Variants in NRXN3 observed in about 807,000 individuals in gnomAD.
NRXN3 encodes the protein neurexin III.
In NRXN3, 32 loss-of-function variants were observed where a neutral mutation model predicts 137.6. The ratio of observed to expected loss-of-function variants is 0.23; its 90% CI spans 0.18 to 0.31. The LOEUF is 0.31. NRXN3 is among the 10% of genes least tolerant of loss of function. NRXN3 has a pLI of 1.00. For synonymous variants in NRXN3, 798 were observed against 784.5 expected (o/e 1.02, Z -0.29); for missense variants, 1,574 against 2,062.5 (o/e 0.76, Z 4.59).
chr14:78,210,589 C>G (rs1358854939), intron 1 of NRXN3, among the ~76,000 whole-genome samples: 1 of 151,968 alleles, frequency 6.6e-6, no homozygotes, highest in Non-Finnish European at 1.5e-5. Context: ...CAAATGTATA[C>G]ACCTGTGTAA....
chr14:78,403,734 T>C, intron 4 of NRXN3: 4 of 985,422 alleles, frequency 4.1e-6, no homozygotes, highest in Non-Finnish European at 4.8e-6. Context: ...GATTATCAAT[T>C]GCTCCGGGAG....
chr14:79,250,608 G>A lies in NRXN3; in HGVS notation c.3263-216613G>A, dbSNP rs115460996. Among the ~76,000 whole-genome samples, 1,035 of 152,260 alleles carry A rather than the reference G, an allele frequency of 6.8e-3. 8 individuals are homozygous for A. The highest frequency in any genetic ancestry group is 0.023 in the African/African-American group (972 of 41,546). On this transcript the variant is annotated intron_variant, in intron 15 of 20. Coordinates refer to ENST00000335750, the MANE Select transcript of NRXN3 (RefSeq NM_001330195.2). ...TGGTAAAAACCAGGAAATAATCCCA[G>A]ATTCATCTCTCAGAAGCCCATTCCC... is the stretch of plus-strand genomic sequence containing the variant.
chr14:78,637,455 C>G (rs2097576879), intron 4 of NRXN3, among the ~76,000 whole-genome samples: 1 of 152,198 alleles, frequency 6.6e-6, no homozygotes, highest in Non-Finnish European at 1.5e-5. Flanking sequence ...TTTGCTTGTG[C>G]ATACCTTCTC....
At chr14:78,402,435 G>C (rs560706394) in intron 4 of NRXN3, among the ~76,000 whole-genome samples, 1 of 152,286 alleles carries the variant, frequency 6.6e-6, no homozygotes, top group Admixed American at 6.5e-5. Flanking sequence ...GTGAGTAGGT[G>C]CTGCCCAAGT....
Position 78,709,340 on chromosome 14 carries a change from A to G in NRXN3, c.1345A>G (p.Ile449Val), listed in dbSNP as rs376703294. 1.9e-6 allele frequency: 3 copies of G among 1,614,086 alleles called. No individual in the cohort carries two copies. The highest frequency in any genetic ancestry group is 2.5e-6 in the Non-Finnish European group (3 of 1,179,994). The part of the protein sequence containing the change: ...KCENVATLDP[I>V]NFETPEAYIS... ...TGAGAATGTGGCCACACTGGACCCC[A>G]TCAACTTTGAGACCCCAGAGGCTTA... The change falls in exon 7 of 21, where the codon ATC (isoleucine) becomes GTC (valine). Residue 449 changes from isoleucine (I) to valine (V), a missense_variant. By Grantham distance (29) the Ile-to-Val change is conservative. Coordinates refer to ENST00000335750, the MANE Select transcript of NRXN3 (RefSeq NM_001330195.2).
chr14:79,799,957 A>G (rs1454517531), intron 19 of NRXN3, among the ~76,000 whole-genome samples: 3 of 152,218 alleles, frequency 2.0e-5, no homozygotes, highest in East Asian at 3.9e-4. Context: ...AAGATTCATT[A>G]AAGTAATGAA....
At chr14:78,731,670 T>C (rs2098516372) in intron 8 of NRXN3, among the ~76,000 whole-genome samples, 1 of 151,558 alleles carries the variant, frequency 6.6e-6, no homozygotes, top group South Asian at 2.1e-4. Flanking sequence ...GAATATATAC[T>C]ATTTGTGAAT....
At chr14:78,345,603 CCTCT>C (rs1277262616) in intron 4 of NRXN3, among the ~76,000 whole-genome samples, 1 of 152,036 alleles carries the variant, frequency 6.6e-6, no homozygotes, top group Admixed American at 6.5e-5. Context: ...GGAGAGATTT[CCTCT>C]CTCTCCTCCC....
At chr14:79,511,287 C>T (rs1012490619) in intron 16 of NRXN3, among the ~76,000 whole-genome samples, 1 of 152,182 alleles carries the variant, frequency 6.6e-6, no homozygotes, top group East Asian at 1.9e-4. Flanking sequence ...ACTATAGGAA[C>T]AGCTGCTGGA....
chr14:78,710,206 C>A (rs2098394456), intron 7 of NRXN3, among the ~76,000 whole-genome samples: 1 of 152,192 alleles, frequency 6.6e-6, no homozygotes, highest in South Asian at 2.1e-4. Context: ...TAAAGCCTTC[C>A]TTTGGTGTAA....
intron 15 of NRXN3, among the ~76,000 whole-genome samples, chr14:79,076,291 C>T (rs10141967): frequency 0.043 from 6,512 of 152,218 alleles, 514 homozygotes; most frequent in African/African-American, 0.15. Flanking sequence ...AACTCCAAAA[C>T]GTAGCAGCTC....
chr14:78,606,327 C>T (rs1038025175), intron 4 of NRXN3, among the ~76,000 whole-genome samples: 3 of 152,114 alleles, frequency 2.0e-5, no homozygotes, highest in African/African-American at 7.2e-5. Context: ...TTTTTTTAGT[C>T]AGGAAATACC....
intron 4 of NRXN3, 23 bp from the exon 5 acceptor site, chr14:78,645,095 GCT>G: frequency 2.6e-6 from 4 of 1,517,932 alleles, no homozygotes; most frequent in Non-Finnish European, 3.5e-6. Flanking sequence ...AGTGCTGATT[GCT>G]TTCCTCTTTT....
At chr14:78,478,977 C>G (rs902267915) in intron 4 of NRXN3, among the ~76,000 whole-genome samples, 86 of 152,046 alleles carry the variant, frequency 5.7e-4, no homozygotes, top group African/African-American at 2.1e-3. Context: ...TCACCAACGT[C>G]CAAGAAGTTA....
chr14:78,788,273 G>A (rs1214171754), intron 8 of NRXN3, among the ~76,000 whole-genome samples: 1 of 6,232 alleles, frequency 1.6e-4, no homozygotes, highest in Non-Finnish European at 9.6e-3. Flanking sequence ...AACATGTACT[G>A]AGCATGGTAT....
rs774458095 is a variant in NRXN3, at chr14:78,645,181, G to A, written c.819G>A (p.Gln273=). 16 of 1,594,608 alleles carry A rather than the reference G, an allele frequency of 1.0e-5. No individual in the cohort carries two copies. Among genetic ancestry groups the A allele is most frequent in the Non-Finnish European group, 1.4e-5 (16 of 1,177,920 alleles). The change falls in exon 5 of 21, where the codon CAG becomes CAA. Residue 273 remains glutamine (Q), a synonymous_variant. Transcript: ENST00000335750. ...AGTATCTGTGCTACGACCTGTCTCA[G>A]AACCCGATCCAGAGCAGCAGTGATG... is the stretch of plus-strand genomic sequence containing the variant. ...GSEYLCYDLS[Q]NPIQSSSDEI...
chr14:79,603,314 C>A (rs1421473475), intron 16 of NRXN3, among the ~76,000 whole-genome samples: 3 of 152,332 alleles, frequency 2.0e-5, no homozygotes, highest in African/African-American at 7.2e-5. Flanking sequence ...GTAGCTAATA[C>A]ATCTTTCAAG....
chr14:78,873,721 A>G (rs908222356), intron 10 of NRXN3, among the ~76,000 whole-genome samples: 4 of 152,180 alleles, frequency 2.6e-5, no homozygotes, highest in East Asian at 1.9e-4. Context: ...TTGCTACTCA[A>G]AGTGTGATCA....
At chr14:78,803,547 C>A in intron 8 of NRXN3, 73 bp from the exon 9 acceptor site, 1 of 1,410,810 alleles carries the variant, frequency 7.1e-7, no homozygotes, top group Non-Finnish European at 1.0e-6. Context: ...ACTCGCTTAG[C>A]CTGAAAGCAA....
Sources: allele counts gnomAD v4.1 joint callset (sites outside exome capture counted in the v4.1 genomes callset), GRCh38; gene constraint gnomAD v4.1.1; transcripts MANE v1.5; gene names NCBI Gene and HGNC (gene_info 2026-07-23, HGNC 2026-07-21).